Variants in PEX5L observed in about 807,000 individuals in gnomAD.
PEX5L encodes PEX5-related protein.
Under a neutral mutation model 84.0 loss-of-function variants are expected in PEX5L, and 30 were observed. The observed-to-expected ratio is 0.36, with a 90% CI of 0.27 to 0.48. The LOEUF (loss-of-function observed/expected upper bound fraction) is 0.48, where lower values mean the gene tolerates loss of function less well. Ranked by LOEUF, PEX5L falls within the 20% of genes least tolerant of loss-of-function variation. The probability of loss-of-function intolerance (pLI) is 0.99; values close to 1 mark genes in which losing one functional copy is unlikely to be tolerated. For synonymous variants in PEX5L, 270 were observed against 283.1 expected (o/e 0.95, Z 0.46); for missense variants, 533 against 754.6 (o/e 0.71, Z 3.44).
intron 2 of PEX5L, among the ~76,000 whole-genome samples, chr3:179,965,312 A>C (rs1348062558): frequency 6.6e-6 from 1 of 152,244 alleles, no homozygotes; most frequent in Non-Finnish European, 1.5e-5. Flanking sequence ...CCTGGATTCT[A>C]GACTTGGGAC....
At chr3:179,898,360 C>A in intron 2 of PEX5L, 114 bp from the exon 3 acceptor site, 1 of 648,576 alleles carries the variant, frequency 1.5e-6, no homozygotes, top group Non-Finnish European at 2.5e-6. Context: ...AGGTAGGCTG[C>A]TGCAAGTGAA....
chr3:179,958,951 C>G (rs956120396), intron 2 of PEX5L, among the ~76,000 whole-genome samples: 7 of 151,922 alleles, frequency 4.6e-5, no homozygotes, highest in Non-Finnish European at 8.8e-5. Flanking sequence ...GGCGTGAACC[C>G]TAGAGGCGGA....
chr3:180,022,352 C>A (rs1790495086), intron 1 of PEX5L, among the ~76,000 whole-genome samples: 1 of 152,180 alleles, frequency 6.6e-6, no homozygotes, highest in East Asian at 1.9e-4. Context: ...TTTGATCCTG[C>A]CATTTAGAAG....
At chr3:179,944,683 C>A (rs139613400) in intron 2 of PEX5L, among the ~76,000 whole-genome samples, 23 of 152,308 alleles carry the variant, frequency 1.5e-4, no homozygotes, top group Non-Finnish European at 2.9e-4. Flanking sequence ...TCTGGTAAAT[C>A]TTGTAAGATT....
intron 1 of PEX5L, chr3:179,973,896 C>G: frequency 3.0e-6 from 3 of 985,450 alleles, no homozygotes; most frequent in Non-Finnish European, 3.6e-6. Flanking sequence ...CAGCACACAA[C>G]AGTACACAAA....
chr3:179,961,777 C>T (rs969579238), intron 2 of PEX5L, among the ~76,000 whole-genome samples: 13 of 152,122 alleles, frequency 8.5e-5, no homozygotes, highest in South Asian at 2.1e-4. Context: ...TGACAATAGA[C>T]GCTGATTCAA....
At chr3:179,998,883 G>A (rs934757723) in intron 1 of PEX5L, among the ~76,000 whole-genome samples, 4 of 152,210 alleles carry the variant, frequency 2.6e-5, no homozygotes, top group South Asian at 2.1e-4. Flanking sequence ...CCTATGGTCA[G>A]TTGACAGAGG....
chr3:180,029,623 T>C (rs1791274851), intron 1 of PEX5L, among the ~76,000 whole-genome samples: 1 of 152,202 alleles, frequency 6.6e-6, no homozygotes, highest in African/African-American at 2.4e-5. Flanking sequence ...GTCAGAAAGC[T>C]ACCTAGGAAT....
chr3:180,003,380 G>T (rs1788597705), intron 1 of PEX5L, among the ~76,000 whole-genome samples: 1 of 146,000 alleles, frequency 6.8e-6, no homozygotes, highest in Admixed American at 6.7e-5. Context: ...CTCAGACTGG[G>T]CACTAAAAAA....
chr3:179,869,260 C>A (rs1749449505), intron 7 of PEX5L, among the ~76,000 whole-genome samples: 1 of 152,152 alleles, frequency 6.6e-6, no homozygotes, highest in Admixed American at 6.5e-5. Context: ...CCAGCAGAAG[C>A]TGAATTATTT....
In PEX5L at chr3:179,994,691, GC is replaced by G. The variant is rs554160629; in HGVS notation, c.22-23027del. ...TCCTGGGTGTGTCTGTGAGGGTGTT[GC>G]CAAAGGAGATTAACATGTGAGTCAG... On this transcript the variant is annotated intron_variant, in intron 1 of 14. Coordinates refer to ENST00000467460, the MANE Select transcript of PEX5L (RefSeq NM_016559.3). Among the ~76,000 whole-genome samples the G allele has an allele frequency of 3.9e-3, 592 of 152,228 alleles. 3 individuals are homozygous for G. The highest frequency in any genetic ancestry group is 0.013 in the African/African-American group (549 of 41,536).
At chr3:179,990,644 C>A (rs941414703) in intron 1 of PEX5L, among the ~76,000 whole-genome samples, 1 of 152,126 alleles carries the variant, frequency 6.6e-6, no homozygotes, top group African/African-American at 2.4e-5. Context: ...CTCAGGTGAT[C>A]CTCCCACCCC....
At chr3:180,001,668 T>A (rs540531003) in intron 1 of PEX5L, among the ~76,000 whole-genome samples, 1 of 152,116 alleles carries the variant, frequency 6.6e-6, no homozygotes, top group African/African-American at 2.4e-5. Context: ...TAAGTTTTAA[T>A]CATTTTTAAT....
chr3:179,795,266 CAT>C lies in PEX5L; in HGVS notation c.*6560_*6561del, dbSNP rs1227463505. The C allele has an allele frequency of 2.6e-5, 4 of 152,076 alleles. No homozygotes were observed. Among genetic ancestry groups the C allele is most frequent in the African/African-American group, 9.7e-5 (4 of 41,426 alleles). 9.4% of individuals were successfully genotyped at this position (152,076 alleles called of 1,614,324 possible). On this transcript the variant is annotated 3_prime_UTR_variant, in exon 15 of 15. Coordinates refer to ENST00000467460, the MANE Select transcript of PEX5L (RefSeq NM_016559.3). ...GCCGCAGACAAAGTTTATTTGAAAACATAGTTTAAAATTGCACAAATATAAAT... is the reference window on the plus strand; with the variant it reads ...GCCGCAGACAAAGTTTATTTGAAAACAGTTTAAAATTGCACAAATATAAAT...
chr3:179,998,344 G>C (rs1788087098), intron 1 of PEX5L, among the ~76,000 whole-genome samples: 1 of 152,192 alleles, frequency 6.6e-6, no homozygotes, highest in African/African-American at 2.4e-5. Flanking sequence ...GTGGGGTCCA[G>C]AACAGGAAAA....
intron 2 of PEX5L, chr3:179,898,463 G>A (rs999016264): frequency 5.0e-6 from 2 of 400,348 alleles, no homozygotes; most frequent in Non-Finnish European, 8.8e-6. Flanking sequence ...CTTTACAGCT[G>A]ACATATTACA....
At chr3:179,812,004 A>G (rs2108815998) in intron 10 of PEX5L, 133 bp from the exon 11 acceptor site, 1 of 687,448 alleles carries the variant, frequency 1.5e-6, no homozygotes, top group East Asian at 2.5e-5. Context: ...TATAAAAGGG[A>G]AAAATATTGT....
intron 2 of PEX5L, among the ~76,000 whole-genome samples, chr3:179,948,574 T>A (rs534572476): frequency 8.5e-5 from 13 of 152,204 alleles, no homozygotes; most frequent in African/African-American, 3.1e-4. Context: ...ACGGAGAGAA[T>A]TAGAATTCAG....
intron 2 of PEX5L, among the ~76,000 whole-genome samples, chr3:179,935,399 T>C (rs1054803797): frequency 6.6e-5 from 10 of 152,220 alleles, no homozygotes; most frequent in African/African-American, 1.9e-4. Context: ...TATTTTCCTG[T>C]TGCTTATTTT....
Sources: gnomAD v4.1 joint callset for allele counts (sites outside exome capture counted in the v4.1 genomes callset) on GRCh38, gnomAD v4.1.1 for gene constraint, MANE v1.5 for transcripts, NCBI Gene and HGNC (gene_info 2026-07-23, HGNC 2026-07-21) for gene names.